RAB8B: variants seen among roughly 807,000 people sequenced by gnomAD.
RAB8B encodes the protein RAB8B, member RAS oncogene family.
A neutral mutation model predicts 32.0 loss-of-function variants in RAB8B; 11 were observed. The ratio of observed to expected loss-of-function variants is 0.34; its 90% CI spans 0.22 to 0.57. RAB8B has a LOEUF of 0.57. Among genes scored for constraint, RAB8B ranks in the 20% least tolerant of loss-of-function variants. The pLI is 0.86. For synonymous variants in RAB8B, 103 were observed against 89.6 expected (o/e 1.15, Z -0.85); for missense variants, 190 against 258.5 (o/e 0.73, Z 1.82).
At chr15:63,233,660 T>G (rs75747932) in intron 1 of RAB8B, among the ~76,000 whole-genome samples, 315 of 152,338 alleles carry the variant, frequency 2.1e-3, no homozygotes, top group African/African-American at 7.2e-3. Context: ...AATGTAGCAT[T>G]TCTTTAAAGT....
chr15:63,249,952 A>C (rs989270632), intron 3 of RAB8B, among the ~76,000 whole-genome samples: 1 of 151,862 alleles, frequency 6.6e-6, no homozygotes, highest in South Asian at 2.1e-4. Context: ...CTGGCTAACA[A>C]GGTGAAACCC....
intron 1 of RAB8B, among the ~76,000 whole-genome samples, chr15:63,222,516 T>A (rs1049745365): frequency 6.6e-6 from 1 of 152,086 alleles, no homozygotes; most frequent in Non-Finnish European, 1.5e-5. Flanking sequence ...GTCCCATAAG[T>A]TGATGATGAT....
At chr15:63,256,935 T>C (rs531886344) in intron 5 of RAB8B, among the ~76,000 whole-genome samples, 1 of 152,244 alleles carries the variant, frequency 6.6e-6, no homozygotes, top group Non-Finnish European at 1.5e-5. Context: ...TAAACATTCT[T>C]TTTGAAAAAG....
At chr15:63,249,829 A>G (rs1235931570) in intron 3 of RAB8B, 124 bp downstream of exon 3, 3 of 1,085,444 alleles carry the variant, frequency 2.8e-6, no homozygotes, top group African/African-American at 3.2e-5. Context: ...TGATGGGGAA[A>G]CAAGACATTT....
At chr15:63,212,314 G>A (rs893745849) in intron 1 of RAB8B, among the ~76,000 whole-genome samples, 1 of 152,168 alleles carries the variant, frequency 6.6e-6, no homozygotes. Flanking sequence ...TTAAACATCC[G>A]GGGTTGTGAG....
intron 1 of RAB8B, among the ~76,000 whole-genome samples, chr15:63,239,143 A>G (rs1418936667): frequency 6.6e-6 from 1 of 152,168 alleles, no homozygotes. Flanking sequence ...AGATGAGTCA[A>G]CAAATTGCCT....
chr15:63,190,060 G>A (rs1360888807), intron 1 of RAB8B, among the ~76,000 whole-genome samples: 1 of 151,736 alleles, frequency 6.6e-6, no homozygotes, highest in African/African-American at 2.4e-5. Context: ...AGGGGTCTTT[G>A]AGGGACAAAA....
intron 1 of RAB8B, among the ~76,000 whole-genome samples, chr15:63,212,584 A>G (rs922817767): frequency 1.3e-4 from 20 of 152,224 alleles, no homozygotes; most frequent in African/African-American, 4.8e-4. Flanking sequence ...AGTGATTCAT[A>G]TAACTAGATA....
chr15:63,259,211 C>T lies in RAB8B; in HGVS notation c.415-416C>T, dbSNP rs1013421621. ...CTCGGCTTACTCCAACCTCTGCCTC[C>T]TGGGTTCAAGCAATTCTCCTGCCTC... On this transcript the variant is annotated intron_variant, in intron 5 of 7. Transcript: ENST00000321437. This position sits in a 1 kb window ranked among gnomAD's most constrained non-coding sequence, Gnocchi z 4.4. Among the ~76,000 whole-genome samples the T allele has an allele frequency of 6.6e-6, 1 of 152,156 alleles. No individual in the cohort carries two copies. The highest frequency in any genetic ancestry group is 6.5e-5 in the Admixed American group (1 of 15,284).
In RAB8B at chr15:63,245,621, C is replaced by T. The variant is rs1444073300; in HGVS notation, c.185+805C>T. Reference sequence around the variant, plus strand: ...TGTCTACCTGGAGATAGCATCAGATCCCACAGGTTGAGGGCTGGGTCCCGC... The same window carrying T: ...TGTCTACCTGGAGATAGCATCAGATTCCACAGGTTGAGGGCTGGGTCCCGC... On this transcript the variant is annotated intron_variant, in intron 2 of 7. Coordinates refer to ENST00000321437, the MANE Select transcript of RAB8B (RefSeq NM_016530.3). Among the ~76,000 whole-genome samples, 4 of 152,260 alleles carry T rather than the reference C, an allele frequency of 2.6e-5. No individual in the cohort carries two copies. The East Asian group carries it at 7.7e-4, about 29-fold the overall frequency.
At chr15:63,224,696 A>T (rs2037874343) in intron 1 of RAB8B, among the ~76,000 whole-genome samples, 1 of 152,236 alleles carries the variant, frequency 6.6e-6, no homozygotes. Context: ...AATTCCTAAT[A>T]TTCAGGTCCA....
In RAB8B at chr15:63,264,229, C is replaced by T. The variant is rs1344788491; in HGVS notation, c.*610C>T. 1 of 152,156 alleles carries T rather than the reference C, an allele frequency of 6.6e-6. No homozygotes were observed. Among genetic ancestry groups the T allele is most frequent in the South Asian group, 2.1e-4 (1 of 4,824 alleles). The allele number at this position is 152,156 out of a possible 1,614,324, so 9.4% of individuals were successfully genotyped here. A position where few individuals can be genotyped will look rare whatever the true frequency, so the allele number is the denominator to read the frequency against. ...TTCAGATTAAGAGCTTTGCCTCATC[C>T]CCGACCTGTTTTCCAGAGTCTGGGT... On this transcript the variant is annotated 3_prime_UTR_variant, in exon 8 of 8. Coordinates refer to ENST00000321437, the MANE Select transcript of RAB8B (RefSeq NM_016530.3).
rs1199384961 is a variant in RAB8B at position 63,264,264 on chromosome 15, A to G, written c.*645A>G. Reference sequence around the variant, plus strand: ...TTTCCAGAGTCTGGGTAGCTGAATGAATCACTTTAAAATGATTACCTCTGC... The same window carrying G: ...TTTCCAGAGTCTGGGTAGCTGAATGGATCACTTTAAAATGATTACCTCTGC... On this transcript the variant is annotated 3_prime_UTR_variant, in exon 8 of 8. Transcript: ENST00000321437. 4 of 152,204 alleles carry G rather than the reference A, an allele frequency of 2.6e-5. No homozygotes were observed. Among genetic ancestry groups the G allele is most frequent in the Non-Finnish European group, 5.9e-5 (4 of 68,038 alleles). 9.4% of individuals were successfully genotyped at this position (152,204 alleles called of 1,614,324 possible).
chr15:63,261,958 G>A (rs1050701842), intron 6 of RAB8B, among the ~76,000 whole-genome samples: 1 of 152,164 alleles, frequency 6.6e-6, no homozygotes, highest in African/African-American at 2.4e-5. Flanking sequence ...GCTTCTATTC[G>A]AACTGACTTC....
intron 1 of RAB8B, among the ~76,000 whole-genome samples, chr15:63,199,899 G>C (rs993902251): frequency 6.6e-6 from 1 of 152,064 alleles, no homozygotes; most frequent in Non-Finnish European, 1.5e-5. Flanking sequence ...ACTTTGATAA[G>C]CACTATTACA....
At chr15:63,211,864 C>G (rs1418117339) in intron 1 of RAB8B, among the ~76,000 whole-genome samples, 2 of 152,096 alleles carry the variant, frequency 1.3e-5, no homozygotes, top group African/African-American at 4.8e-5. Flanking sequence ...CAGGATTTCA[C>G]TCTGTCATTT....
intron 1 of RAB8B, among the ~76,000 whole-genome samples, chr15:63,221,343 G>T (rs953376443): frequency 6.6e-6 from 1 of 152,038 alleles, no homozygotes; most frequent in African/African-American, 2.4e-5. Context: ...GAGAAGGGAG[G>T]GATTATAAAT....
chr15:63,261,980 A>G (rs1349300322), intron 6 of RAB8B, among the ~76,000 whole-genome samples: 1 of 152,210 alleles, frequency 6.6e-6, no homozygotes, highest in Non-Finnish European at 1.5e-5. Context: ...ATGGTGGGGA[A>G]TTTAGCCGAG....
At chr15:63,208,693 G>C (rs931822709) in intron 1 of RAB8B, among the ~76,000 whole-genome samples, 1 of 152,002 alleles carries the variant, frequency 6.6e-6, no homozygotes, top group Non-Finnish European at 1.5e-5. Flanking sequence ...TGTCTTTCCT[G>C]ATGTTCCTCA....
Sources: gnomAD v4.1 joint callset for allele counts (sites outside exome capture counted in the v4.1 genomes callset) on GRCh38, gnomAD v4.1.1 for gene constraint, Gnocchi (gnomAD v3.1) non-coding constraint, MANE v1.5 for transcripts, NCBI Gene and HGNC (gene_info 2026-07-23, HGNC 2026-07-21) for gene names.